LYZL1: variants seen among roughly 807,000 people sequenced by gnomAD.
LYZL1 encodes the protein lysozyme like 1.
Under a neutral mutation model 17.9 loss-of-function variants are expected in LYZL1, and 16 were observed. That is an observed-to-expected ratio of 0.90 (90% CI 0.61 to 1.36). LYZL1 has a LOEUF of 1.36. Ranked by LOEUF, LYZL1 falls within the 40% of genes most tolerant of loss-of-function variation. LYZL1 has a pLI of 0.00. For missense variants in LYZL1, 149 were observed against 188.4 expected (o/e 0.79, Z 1.22); for synonymous variants, 58 against 71.8 (o/e 0.81, Z 0.97).
chr10:29,304,553 C>T (rs1835565968), intron 3 of LYZL1, among the ~76,000 whole-genome samples: 1 of 152,096 alleles, frequency 6.6e-6, no homozygotes, highest in South Asian at 2.1e-4. Flanking sequence ...TAAATTGTTG[C>T]TGTTTTCTGT....
At chr10:29,297,849 A>G (rs1263839767) in intron 3 of LYZL1, among the ~76,000 whole-genome samples, 3 of 152,220 alleles carry the variant, frequency 2.0e-5, no homozygotes, top group Non-Finnish European at 2.9e-5. Context: ...ATTTGAAAAT[A>G]AAAGTTCCAT....
At chr10:29,290,139 G>A (rs1347095463) in intron 1 of LYZL1, among the ~76,000 whole-genome samples, 1 of 152,138 alleles carries the variant, frequency 6.6e-6, no homozygotes, top group Non-Finnish European at 1.5e-5. Context: ...CAGCCCCAGG[G>A]AGAGAAACTA....
At chr10:29,314,752 C>T (rs189575882), downstream of LYZL1, among the ~76,000 whole-genome samples, 79 of 152,236 alleles carry the variant, frequency 5.2e-4, no homozygotes, top group Non-Finnish European at 7.6e-4. Flanking sequence ...TTATTTCATA[C>T]GCTCCTCACA....
chr10:29,295,159 C>A (rs1835431382), intron 3 of LYZL1, among the ~76,000 whole-genome samples: 1 of 152,164 alleles, frequency 6.6e-6, no homozygotes, highest in Non-Finnish European at 1.5e-5. Flanking sequence ...AAAGAATGAT[C>A]ACTACCTCCT....
At chr10:29,306,549 C>CAAAAAA (rs58001118) in intron 3 of LYZL1, among the ~76,000 whole-genome samples, 14 of 48,804 alleles carry the variant, frequency 2.9e-4, no homozygotes, top group Admixed American at 1.1e-3. Context: ...GACTCCGTCT[C>CAAAAAA]AAAAAAAAAA....
At chr10:29,314,529 G>A (rs542942459), downstream of LYZL1, among the ~76,000 whole-genome samples, 5 of 152,150 alleles carry the variant, frequency 3.3e-5, no homozygotes, top group East Asian at 1.9e-4. Context: ...TGGGAGGATC[G>A]CTTGAGCCCA....
chr10:29,310,896 T>A (rs1835662084), intron 4 of LYZL1, 94 bp from the exon 5 acceptor site: 4 of 1,595,852 alleles, frequency 2.5e-6, no homozygotes, highest in East Asian at 2.2e-5. Flanking sequence ...AGGGTTCCGC[T>A]GGCGATTTTG....
chr10:29,310,945 T>A, intron 4 of LYZL1, 45 bp from the exon 5 acceptor site: 1 of 1,614,070 alleles, frequency 6.2e-7, no homozygotes, highest in Non-Finnish European at 8.5e-7. Context: ...ACGGTTTGGA[T>A]TGTCACGCTT....
At chr10:29,303,373 C>G (rs966137603) in intron 3 of LYZL1, among the ~76,000 whole-genome samples, 1 of 152,148 alleles carries the variant, frequency 6.6e-6, no homozygotes, top group Non-Finnish European at 1.5e-5. Context: ...GTGTTTTTCT[C>G]TCTCTCAAAG....
At position 29,291,760 on chromosome 10, in the gene LYZL1, G is replaced by T; in HGVS notation, c.-25-83G>T. 2 of 1,455,972 alleles carry T rather than the reference G, an allele frequency of 1.4e-6. 1 individual carries two copies. Among genetic ancestry groups the T allele is most frequent in the Non-Finnish European group, 1.9e-6 (2 of 1,066,116 alleles). 90.2% of individuals were successfully genotyped at this position (1,455,972 alleles called of 1,614,324 possible). A position where few individuals can be genotyped will look rare whatever the true frequency, so the allele number is the denominator to read the frequency against. ...GACCAAAGTGACAGGCAGCATCTAGGCAGGGCTGTGCACAGTCACCACCGC... is the reference window on the plus strand; with the variant it reads ...GACCAAAGTGACAGGCAGCATCTAGTCAGGGCTGTGCACAGTCACCACCGC... On this transcript the variant is annotated intron_variant, in intron 1 of 4. Transcript: ENST00000649382.
chr10:29,295,909 A>T (rs1370675364), intron 3 of LYZL1, among the ~76,000 whole-genome samples: 5 of 152,158 alleles, frequency 3.3e-5, no homozygotes, highest in African/African-American at 1.2e-4. Flanking sequence ...TCAGTCCAAC[A>T]CCCACAAGGA....
chr10:29,292,151 T>C, intron 2 of LYZL1, 145 bp downstream of exon 2: 1 of 1,280,766 alleles, frequency 7.8e-7, no homozygotes. Context: ...AGCCTAACTG[T>C]GGCTCTCTGG....
chr10:29,311,254 A>G (rs961104140), downstream of LYZL1: 98 of 1,451,756 alleles, frequency 6.8e-5, no homozygotes, highest in Middle Eastern at 2.6e-4. Flanking sequence ...CAATGATGTC[A>G]TAATAGCATG....
intron 3 of LYZL1, among the ~76,000 whole-genome samples, chr10:29,306,549 CAAAAAAAAAAA>C (rs58001118): frequency 4.1e-5 from 2 of 48,794 alleles, no homozygotes; most frequent in African/African-American, 9.5e-5. Flanking sequence ...GACTCCGTCT[CAAAAAAAAAAA>C]AAAAAAAAAA....
chr10:29,298,813 A>T (rs2132822301), intron 3 of LYZL1, among the ~76,000 whole-genome samples: 1 of 152,314 alleles, frequency 6.6e-6, no homozygotes, highest in South Asian at 2.1e-4. Context: ...TTTTGGCACC[A>T]GGGACCAGTT....
intron 3 of LYZL1, among the ~76,000 whole-genome samples, chr10:29,294,580 C>T (rs1564389652): frequency 1.3e-5 from 2 of 152,152 alleles, no homozygotes; most frequent in Non-Finnish European, 2.9e-5. Flanking sequence ...TCCTCAATGT[C>T]TAGAATGGTG....
intron 3 of LYZL1, among the ~76,000 whole-genome samples, chr10:29,299,436 T>C (rs1239741960): frequency 6.6e-6 from 1 of 152,246 alleles, no homozygotes; most frequent in Non-Finnish European, 1.5e-5. Flanking sequence ...GGTGGGTAGA[T>C]GTTCTATAAG....
chr10:29,310,971 GC>G lies in LYZL1; in HGVS notation c.378-18del. ...TGTCACGCTTCTTTCTGCTGCTCCT[GC>G]TTCCCTCTCATCCTCAGGCAAGGCT... On this transcript the variant is annotated intron_variant, in intron 4 of 4. Coordinates refer to ENST00000649382, the MANE Select transcript of LYZL1 (RefSeq NM_032517.6). 6.2e-7 allele frequency: 1 copy of G among 1,614,166 alleles called. No individual in the cohort carries two copies. Among genetic ancestry groups the G allele is most frequent in the Non-Finnish European group, 8.5e-7 (1 of 1,180,030 alleles).
intron 3 of LYZL1, among the ~76,000 whole-genome samples, chr10:29,307,546 C>T (rs1371003288): frequency 6.6e-6 from 1 of 152,196 alleles, no homozygotes; most frequent in East Asian, 1.9e-4. Context: ...TCACATGTTG[C>T]TAATGCCTGC....
Sources: allele counts gnomAD v4.1 joint callset (sites outside exome capture counted in the v4.1 genomes callset), GRCh38; gene constraint gnomAD v4.1.1; transcripts MANE v1.5; gene names NCBI Gene and HGNC (gene_info 2026-07-23, HGNC 2026-07-21).